Variants in PDE3A observed in about 807,000 individuals in gnomAD.
PDE3A encodes phosphodiesterase 3A, also known as cGMP-inhibited 3',5'-cyclic phosphodiesterase 3A.
Under a neutral mutation model 98.3 loss-of-function variants are expected in PDE3A, and 43 were observed. That is an observed-to-expected ratio of 0.44 (90% CI 0.34 to 0.56). The LOEUF is 0.56. PDE3A is among the 20% of genes least tolerant of loss of function. The probability of loss-of-function intolerance (pLI) is 0.01; values close to 1 mark genes in which losing one functional copy is unlikely to be tolerated. For synonymous variants in PDE3A, 663 were observed against 567.9 expected (o/e 1.17, Z -2.38); for missense variants, 1,427 against 1,440.7 (o/e 0.99, Z 0.15).
In PDE3A at chr12:20,654,249, CTT is replaced by C. The variant is rs754432022; in HGVS notation, c.3184+46_3184+47del. 2.8e-5 allele frequency: 44 copies of C among 1,571,908 alleles called. No individual in the cohort carries two copies. In the East Asian group the frequency reaches 9.4e-4, roughly 34 times the overall value. The stretch of plus-strand genomic sequence containing the variant: ...TTCTAATGTGTTTTCCCTGGGATTG[CTT>C]TCTTACTTTAGATGAATTTTATGCT... On this transcript the variant is annotated intron_variant, in intron 15 of 15. Coordinates refer to ENST00000359062, the MANE Select transcript of PDE3A (RefSeq NM_000921.5).
At chr12:20,665,917 C>G (rs1411183107) in intron 15 of PDE3A, among the ~76,000 whole-genome samples, 1 of 149,518 alleles carries the variant, frequency 6.7e-6, no homozygotes, top group Non-Finnish European at 1.5e-5. Context: ...ATGATTAAAT[C>G]AGGATATTTA....
Position 20,687,282 on chromosome 12 carries a change from A to T in PDE3A, c.*7011A>T, listed in dbSNP as rs375233800. ...GATTATGGGTCAAAAACTCCATCTT[A>T]TATCAGCGATGATTTCATTTTAACT... is the stretch of plus-strand genomic sequence containing the variant. On this transcript the variant is annotated 3_prime_UTR_variant, in exon 16 of 16. Transcript: ENST00000359062. 1.3e-5 allele frequency among the ~76,000 whole-genome samples: 2 copies of T among 152,032 alleles called. No homozygotes were observed. Among genetic ancestry groups the T allele is most frequent in the African/African-American group, 4.8e-5 (2 of 41,430 alleles).
chr12:20,466,811 A>G (rs1055095098), intron 1 of PDE3A, among the ~76,000 whole-genome samples: 3 of 152,170 alleles, frequency 2.0e-5, no homozygotes, highest in African/African-American at 7.2e-5. Flanking sequence ...CTTCTTAGCC[A>G]TCACCGCCTG....
At chr12:20,572,990 C>G (rs1942838106) in intron 2 of PDE3A, among the ~76,000 whole-genome samples, 1 of 152,062 alleles carries the variant, frequency 6.6e-6, no homozygotes, top group Admixed American at 6.6e-5. Context: ...TTTCTAAACA[C>G]ACTGAAATTT....
At chr12:20,480,179 G>A (rs1945598180) in intron 1 of PDE3A, among the ~76,000 whole-genome samples, 1 of 152,160 alleles carries the variant, frequency 6.6e-6, no homozygotes, top group Non-Finnish European at 1.5e-5. Context: ...AGTATTTGAT[G>A]TATCTTTGAG....
chr12:20,642,367 A>T (rs1227216553), intron 10 of PDE3A, among the ~76,000 whole-genome samples: 1 of 152,168 alleles, frequency 6.6e-6, no homozygotes, highest in African/African-American at 2.4e-5. Context: ...AAATATGGTC[A>T]ACTCAATAAT....
At chr12:20,587,470 G>GAT (rs1943224708) in intron 2 of PDE3A, among the ~76,000 whole-genome samples, 2 of 152,024 alleles carry the variant, frequency 1.3e-5, no homozygotes, top group African/African-American at 4.8e-5. Flanking sequence ...TTCTGGAAAA[G>GAT]ATTTGTGTTT....
chr12:20,603,228 C>G (rs1328844662), intron 2 of PDE3A, among the ~76,000 whole-genome samples: 1 of 152,146 alleles, frequency 6.6e-6, no homozygotes, highest in Non-Finnish European at 1.5e-5. Context: ...ATCCCAACTC[C>G]CTTTCCACCC....
chr12:20,652,293 A>G (rs1196171323), intron 14 of PDE3A, among the ~76,000 whole-genome samples: 3 of 152,302 alleles, frequency 2.0e-5, no homozygotes, highest in Middle Eastern at 3.4e-3. Flanking sequence ...CAGTAATGGG[A>G]TGGCTGGGTC....
At chr12:20,611,996 T>C (rs1943867713) in intron 2 of PDE3A, among the ~76,000 whole-genome samples, 1 of 151,936 alleles carries the variant, frequency 6.6e-6, no homozygotes, top group African/African-American at 2.4e-5. Context: ...TAGATATTTG[T>C]AGAAGTATTT....
intron 15 of PDE3A, among the ~76,000 whole-genome samples, chr12:20,657,157 A>G (rs773223034): frequency 6.6e-6 from 1 of 152,240 alleles, no homozygotes; most frequent in Non-Finnish European, 1.5e-5. Flanking sequence ...CAACATTAGT[A>G]TTTACCAAAT....
intron 2 of PDE3A, among the ~76,000 whole-genome samples, chr12:20,613,156 C>A (rs1380393420): frequency 1.3e-5 from 2 of 152,028 alleles, no homozygotes; most frequent in Non-Finnish European, 2.9e-5. Context: ...TTCCCCAGAT[C>A]TCTGAAACTT....
intron 5 of PDE3A, among the ~76,000 whole-genome samples, chr12:20,621,969 C>T (rs1319664497): frequency 1.3e-5 from 2 of 152,068 alleles, no homozygotes; most frequent in Admixed American, 6.6e-5. Flanking sequence ...TGCCTTTCCC[C>T]TAGAAGCCCA....
At chr12:20,634,259 A>C (rs561335437) in intron 7 of PDE3A, among the ~76,000 whole-genome samples, 3 of 152,220 alleles carry the variant, frequency 2.0e-5, no homozygotes, top group Non-Finnish European at 4.4e-5. Context: ...GCAAATACTC[A>C]ATAAACTTCC....
At chr12:20,456,906 C>T (rs1289958973) in intron 1 of PDE3A, among the ~76,000 whole-genome samples, 3 of 152,128 alleles carry the variant, frequency 2.0e-5, no homozygotes, top group Non-Finnish European at 4.4e-5. Context: ...GGTTCTCTCT[C>T]GGACTAAGCA....
At chr12:20,566,457 T>C (rs1942658759) in intron 2 of PDE3A, among the ~76,000 whole-genome samples, 1 of 152,010 alleles carries the variant, frequency 6.6e-6, no homozygotes, top group Admixed American at 6.6e-5. Context: ...CAAATCATTT[T>C]AACCCTGAAT....
intron 1 of PDE3A, among the ~76,000 whole-genome samples, chr12:20,407,063 CCTGT>C (rs1227073934): frequency 2.0e-5 from 3 of 152,114 alleles, no homozygotes; most frequent in Non-Finnish European, 4.4e-5. Context: ...TGATAGACAT[CCTGT>C]CTTATGCTGC....
chr12:20,530,988 T>C (rs1941582193), intron 1 of PDE3A, among the ~76,000 whole-genome samples: 1 of 152,188 alleles, frequency 6.6e-6, no homozygotes, highest in South Asian at 2.1e-4. Flanking sequence ...TCCCTTATGA[T>C]AATCCAGAGG....
chr12:20,386,108 T>TAA (rs1565532534), intron 1 of PDE3A, among the ~76,000 whole-genome samples: 770 of 25,822 alleles, frequency 0.03, 59 homozygotes, highest in Non-Finnish European at 0.046. Context: ...TAAATATATA[T>TAA]ATAAATATAT....
Sources: allele counts gnomAD v4.1 joint callset (sites outside exome capture counted in the v4.1 genomes callset), GRCh38; gene constraint gnomAD v4.1.1; transcripts MANE v1.5; gene names NCBI Gene and HGNC (gene_info 2026-07-23, HGNC 2026-07-21).